Variants in ZNF536 observed in about 807,000 individuals in gnomAD.
ZNF536 encodes the protein zinc finger protein 536.
Under a neutral mutation model 84.5 loss-of-function variants are expected in ZNF536, and 13 were observed. The ratio of observed to expected loss-of-function variants is 0.15; its 90% CI spans 0.10 to 0.24. The LOEUF (loss-of-function observed/expected upper bound fraction) is 0.24, where lower values mean the gene tolerates loss of function less well. Ranked by LOEUF, ZNF536 falls within the 10% of genes least tolerant of loss-of-function variation. ZNF536 has a pLI of 1.00. For missense variants in ZNF536, 1,536 were observed against 1,747.5 expected, an observed-to-expected ratio of 0.88 and a Z score of 2.16; for synonymous variants, 811 against 742.5, an observed-to-expected ratio of 1.09 and a Z score of -1.50.
At chr19:30,662,968 T>C (rs917874038) in intron 1 of ZNF536, among the ~76,000 whole-genome samples, 9 of 147,772 alleles carry the variant, frequency 6.1e-5, no homozygotes, top group Admixed American at 6.7e-5. Flanking sequence ...GTTTCTTTTT[T>C]TTTTTTTTTT....
At chr19:30,525,752 G>T (rs2044547347) in intron 2 of ZNF536, among the ~76,000 whole-genome samples, 1 of 152,152 alleles carries the variant, frequency 6.6e-6, no homozygotes, top group Non-Finnish European at 1.5e-5. Flanking sequence ...AGGAGGGGAA[G>T]CAGGACCAAA....
At chr19:30,246,287 G>A (rs1355907895) in intron 1 of ZNF536, among the ~76,000 whole-genome samples, 3 of 152,126 alleles carry the variant, frequency 2.0e-5, no homozygotes, top group African/African-American at 4.8e-5. Context: ...TGTATTGCTC[G>A]CGTATTTCTC....
At chr19:30,280,023 A>G (rs910351105) in intron 1 of ZNF536, among the ~76,000 whole-genome samples, 2 of 152,160 alleles carry the variant, frequency 1.3e-5, no homozygotes, top group African/African-American at 4.8e-5. Flanking sequence ...CTCCCCAGGA[A>G]TACACTCCAC....
intron 1 of ZNF536, among the ~76,000 whole-genome samples, chr19:30,627,301 A>G (rs1283780298): frequency 6.6e-6 from 1 of 151,528 alleles, no homozygotes; most frequent in Non-Finnish European, 1.5e-5. Flanking sequence ...CCCCATCTCT[A>G]CAAAAAAAAA....
At chr19:30,580,412 G>A (rs918459717) in intron 1 of ZNF536, among the ~76,000 whole-genome samples, 3 of 152,234 alleles carry the variant, frequency 2.0e-5, no homozygotes, top group Middle Eastern at 3.2e-3. Flanking sequence ...TCTGACCCTA[G>A]TAGGTGTGGG....
At chr19:30,623,664 G>T (rs1301097869) in intron 1 of ZNF536, among the ~76,000 whole-genome samples, 1 of 152,146 alleles carries the variant, frequency 6.6e-6, no homozygotes, top group African/African-American at 2.4e-5. Flanking sequence ...TTCCACTGTA[G>T]CCTCTCAGTG....
At chr19:30,639,318 T>C (rs377243867) in intron 1 of ZNF536, among the ~76,000 whole-genome samples, 4 of 152,348 alleles carry the variant, frequency 2.6e-5, no homozygotes, top group East Asian at 1.9e-4. Flanking sequence ...TTTGTTGTAT[T>C]TAACCTGGTG....
intron 3 of ZNF536, among the ~76,000 whole-genome samples, chr19:30,355,700 A>G (rs1403238628): frequency 6.6e-6 from 1 of 151,952 alleles, no homozygotes; most frequent in Non-Finnish European, 1.5e-5. Context: ...GTCAAGCAGG[A>G]GCTGAGCTGC....
At chr19:30,692,382 G>A (rs1171041145) in intron 1 of ZNF536, among the ~76,000 whole-genome samples, 1 of 152,206 alleles carries the variant, frequency 6.6e-6, no homozygotes, top group Non-Finnish European at 1.5e-5. Flanking sequence ...GCAGACGTAG[G>A]TGAAGCAGTT....
intron 1 of ZNF536, among the ~76,000 whole-genome samples, chr19:30,412,842 T>G (rs1287100932): frequency 6.6e-6 from 1 of 152,064 alleles, no homozygotes; most frequent in African/African-American, 2.4e-5. Flanking sequence ...TCTGGTAAAC[T>G]ATGAACATAA....
chr19:30,707,085 G>A (rs756135301), intron 1 of ZNF536, among the ~76,000 whole-genome samples: 2 of 152,188 alleles, frequency 1.3e-5, no homozygotes, highest in East Asian at 1.9e-4. Flanking sequence ...GCATAGCTTC[G>A]GGCCCACAGG....
At chr19:30,652,237 A>G (rs903344373) in intron 1 of ZNF536, among the ~76,000 whole-genome samples, 4 of 152,230 alleles carry the variant, frequency 2.6e-5, no homozygotes, top group African/African-American at 9.6e-5. Flanking sequence ...GAGTAAATAC[A>G]GGGAGGTTTA....
intron 2 of ZNF536, among the ~76,000 whole-genome samples, chr19:30,491,693 G>A (rs2145114100): frequency 6.6e-6 from 1 of 152,186 alleles, no homozygotes; most frequent in East Asian, 1.9e-4. Context: ...GAAATAATAG[G>A]TGCTAGAAAT....
chr19:30,675,156 C>T (rs541068567), intron 1 of ZNF536, among the ~76,000 whole-genome samples: 2 of 152,192 alleles, frequency 1.3e-5, no homozygotes, highest in Non-Finnish European at 2.9e-5. Context: ...CCGTTTGCCG[C>T]ACCTCTAAGG....
intron 3 of ZNF536, among the ~76,000 whole-genome samples, chr19:30,356,913 G>T (rs564395735): frequency 1.9e-4 from 29 of 152,356 alleles, no homozygotes; most frequent in Admixed American, 1.9e-3. Context: ...CCTGACCTCA[G>T]AGCCTGATCC....
intron 1 of ZNF536, among the ~76,000 whole-genome samples, chr19:30,669,540 G>A (rs762701179): frequency 4.6e-5 from 7 of 152,192 alleles, no homozygotes; most frequent in Non-Finnish European, 1.0e-4. Context: ...GGGTCCCTTG[G>A]CCTCCCTGTC....
At chr19:30,625,271 G>A (rs2048634384) in intron 1 of ZNF536, among the ~76,000 whole-genome samples, 2 of 152,182 alleles carry the variant, frequency 1.3e-5, no homozygotes, top group South Asian at 2.1e-4. Context: ...CAATCAGGGA[G>A]TCATGATCAC....
intron 1 of ZNF536, among the ~76,000 whole-genome samples, chr19:30,247,318 G>C (rs2144993759): frequency 6.6e-6 from 1 of 152,358 alleles, no homozygotes; most frequent in South Asian, 2.1e-4. Context: ...CATGGGATCT[G>C]TTTCCCCGTC....
intron 2 of ZNF536, among the ~76,000 whole-genome samples, chr19:30,479,945 G>C (rs1406897399): frequency 3.3e-5 from 5 of 152,188 alleles, no homozygotes; most frequent in African/African-American, 1.2e-4. Context: ...CAGCCTTCAG[G>C]GCTGGTTCCA....
Sources: gnomAD v4.1 joint callset for allele counts (sites outside exome capture counted in the v4.1 genomes callset) on GRCh38, gnomAD v4.1.1 for gene constraint, MANE v1.5 for transcripts, NCBI Gene and HGNC (gene_info 2026-07-23, HGNC 2026-07-21) for gene names.